Variants in CCBE1 observed in about 807,000 individuals in gnomAD.
CCBE1 encodes collagen and calcium-binding EGF domain-containing protein 1.
A neutral mutation model predicts 50.0 loss-of-function variants in CCBE1; 37 were observed. The observed-to-expected ratio is 0.74, with a 90% CI of 0.57 to 0.97. CCBE1 has a LOEUF of 0.97. CCBE1 is among the 50% of genes least tolerant of loss of function. The pLI, the probability that CCBE1 is intolerant of heterozygous loss-of-function variation, is 0.00. For missense variants in CCBE1, 538 were observed against 523.8 expected (o/e 1.03, Z -0.26); for synonymous variants, 234 against 203.7 (o/e 1.15, Z -1.27).
At chr18:59,476,200 T>A (rs1912298084) in intron 3 of CCBE1, among the ~76,000 whole-genome samples, 1 of 152,182 alleles carries the variant, frequency 6.6e-6, no homozygotes, top group South Asian at 2.1e-4. Flanking sequence ...CACTTCATGG[T>A]GCTTTTATGA....
At chr18:59,565,886 T>C (rs1271174861) in intron 2 of CCBE1, among the ~76,000 whole-genome samples, 5 of 152,010 alleles carry the variant, frequency 3.3e-5, no homozygotes, top group African/African-American at 1.2e-4. Context: ...ATGCATAAAA[T>C]AGTCTCAGGT....
At chr18:59,656,207 A>G (rs1319850240) in intron 2 of CCBE1, among the ~76,000 whole-genome samples, 1 of 152,272 alleles carries the variant, frequency 6.6e-6, no homozygotes, top group Non-Finnish European at 1.5e-5. Context: ...CAATTGAATC[A>G]GAAAAAGTGT....
rs562476759 is a variant in CCBE1 at position 59,668,196 on chromosome 18, G to A, written c.212+28433C>T. On this transcript the variant is annotated intron_variant, in intron 2 of 10. Coordinates refer to ENST00000439986, the MANE Select transcript of CCBE1 (RefSeq NM_133459.4). ...ACACTTTGGGAGGCTGAGGCGGGTG[G>A]ATCACAAGGTCAGGAGTTCAAGACC... Among the ~76,000 whole-genome samples, 48 of 152,146 alleles carry A rather than the reference G, an allele frequency of 3.2e-4. No individual in the cohort carries two copies. In the South Asian group the frequency reaches 8.3e-3, roughly 26 times the overall value.
At chr18:59,452,974 T>C (rs558013104) in intron 6 of CCBE1, among the ~76,000 whole-genome samples, 1 of 152,326 alleles carries the variant, frequency 6.6e-6, no homozygotes, top group East Asian at 1.9e-4. Flanking sequence ...GATTTTTATG[T>C]AGCTCTCCAG....
chr18:59,677,424 T>C (rs1361185480), intron 2 of CCBE1, among the ~76,000 whole-genome samples: 1 of 152,110 alleles, frequency 6.6e-6, no homozygotes, highest in Non-Finnish European at 1.5e-5. Flanking sequence ...CTGTCGTCTT[T>C]GAAATTTCTT....
intron 5 of CCBE1, chr18:59,455,333 A>C: frequency 2.8e-6 from 1 of 351,908 alleles, no homozygotes; most frequent in South Asian, 2.3e-5. Flanking sequence ...CACACTGTAA[A>C]TATTCCCCAA....
chr18:59,615,771 C>T (rs567653770), intron 2 of CCBE1, among the ~76,000 whole-genome samples: 1 of 151,158 alleles, frequency 6.6e-6, no homozygotes, highest in Admixed American at 6.6e-5. Context: ...GCAAGATTTA[C>T]AAGGGACCTT....
rs530932648 is a variant in CCBE1, at chr18:59,641,159, A to G, written c.212+55470T>C. Reference sequence around the variant, plus strand: ...CATTCTACCATAAAAACACATGCACACATATGTTCATTACAGTACTAGTCA... The same window carrying G: ...CATTCTACCATAAAAACACATGCACGCATATGTTCATTACAGTACTAGTCA... On this transcript the variant is annotated intron_variant, in intron 2 of 10. Transcript: ENST00000439986. Among the ~76,000 whole-genome samples the G allele has an allele frequency of 2.6e-5, 4 of 152,348 alleles. No individual in the cohort carries two copies. In the East Asian group the frequency reaches 7.7e-4, roughly 29 times the overall value.
intron 2 of CCBE1, among the ~76,000 whole-genome samples, chr18:59,527,638 A>G (rs1366154631): frequency 6.6e-6 from 1 of 152,108 alleles, no homozygotes; most frequent in Non-Finnish European, 1.5e-5. Flanking sequence ...TCCTTTCCAT[A>G]TTTAATGCAT....
intron 2 of CCBE1, among the ~76,000 whole-genome samples, chr18:59,626,421 G>A (rs1272323905): frequency 3.3e-5 from 5 of 152,190 alleles, no homozygotes; most frequent in African/African-American, 1.2e-4. Flanking sequence ...GGGCAGGAGG[G>A]TGAGGAGATT....
intron 2 of CCBE1, among the ~76,000 whole-genome samples, chr18:59,645,676 G>C (rs1464443935): frequency 6.6e-6 from 1 of 152,156 alleles, no homozygotes; most frequent in Non-Finnish European, 1.5e-5. Context: ...CATATTCTAA[G>C]GAAACTGTAG....
At chr18:59,609,403 C>T (rs963180591) in intron 2 of CCBE1, among the ~76,000 whole-genome samples, 11 of 152,190 alleles carry the variant, frequency 7.2e-5, no homozygotes, top group South Asian at 4.1e-4. Context: ...AACATCCACC[C>T]TCATCACCAT....
chr18:59,588,823 G>A (rs994385540), intron 2 of CCBE1, among the ~76,000 whole-genome samples: 1 of 152,160 alleles, frequency 6.6e-6, no homozygotes, highest in Non-Finnish European at 1.5e-5. Flanking sequence ...CTCTCAAGCA[G>A]CTGCTCAGTG....
At chr18:59,528,396 C>T (rs762945628) in intron 2 of CCBE1, among the ~76,000 whole-genome samples, 2 of 152,206 alleles carry the variant, frequency 1.3e-5, no homozygotes, top group African/African-American at 4.8e-5. Flanking sequence ...AGCTTCTTTG[C>T]ATTGGGTTAG....
At chr18:59,645,194 A>G (rs1041446499) in intron 2 of CCBE1, among the ~76,000 whole-genome samples, 3 of 152,198 alleles carry the variant, frequency 2.0e-5, no homozygotes, top group Admixed American at 2.0e-4. Context: ...GCACCACTGC[A>G]CTCCAGCCTG....
chr18:59,558,751 G>C (rs1037948561), intron 2 of CCBE1, among the ~76,000 whole-genome samples: 2 of 152,196 alleles, frequency 1.3e-5, no homozygotes, highest in African/African-American at 2.4e-5. Flanking sequence ...TGTGCCCAGA[G>C]AAAGAGTTAA....
chr18:59,537,270 C>T (rs902490010), intron 2 of CCBE1, among the ~76,000 whole-genome samples: 20 of 152,082 alleles, frequency 1.3e-4, no homozygotes, highest in Admixed American at 2.0e-4. Context: ...TAGAATAATG[C>T]CAGCCAAAGC....
chr18:59,602,202 A>G lies in CCBE1; in HGVS notation c.212+94427T>C, dbSNP rs535205887. Among the ~76,000 whole-genome samples the G allele has an allele frequency of 7.2e-5, 11 of 152,240 alleles. No homozygotes were observed. The South Asian group carries it at 2.3e-3, about 32-fold the overall frequency. ...ACGTAGGAAAAATGCAAACTCAGAT[A>G]ATGCCAAGATCCTTCTTTAGGGTGA... On this transcript the variant is annotated intron_variant, in intron 2 of 10. Coordinates refer to ENST00000439986, the MANE Select transcript of CCBE1 (RefSeq NM_133459.4).
chr18:59,565,631 T>G (rs909974569), intron 2 of CCBE1, among the ~76,000 whole-genome samples: 17 of 152,146 alleles, frequency 1.1e-4, no homozygotes, highest in African/African-American at 4.1e-4. Context: ...TTTAAAAAAT[T>G]AAGAATTTTC....
Sources: gnomAD v4.1 joint callset for allele counts (sites outside exome capture counted in the v4.1 genomes callset) on GRCh38, gnomAD v4.1.1 for gene constraint, MANE v1.5 for transcripts, NCBI Gene and HGNC (gene_info 2026-07-23, HGNC 2026-07-21) for gene names.